C20orf96: variants seen among roughly 807,000 people sequenced by gnomAD.
The protein encoded by C20orf96 is chromosome 20 open reading frame 96.
Under a neutral mutation model 52.6 loss-of-function variants are expected in C20orf96, and 57 were observed. The observed-to-expected ratio is 1.08, with a 90% confidence interval of 0.88 to 1.35. The LOEUF is 1.35. Ranked by LOEUF, C20orf96 falls within the 40% of genes most tolerant of loss-of-function variation. C20orf96 has a pLI of 0.00. For synonymous variants in C20orf96, 168 were observed against 157.2 expected, an observed-to-expected ratio of 1.07 and a Z score of -0.51; for missense variants, 478 against 443.6, an observed-to-expected ratio of 1.08 and a Z score of -0.70.
chr20:271,952 C>T (rs1326865515), intron 10 of C20orf96, among the ~76,000 whole-genome samples: 1 of 152,146 alleles, frequency 6.6e-6, no homozygotes, highest in Non-Finnish European at 1.5e-5. Flanking sequence ...TGAAGGATTA[C>T]ATTCTGTTTC....
In C20orf96 at chr20:271,282, C is replaced by A; in HGVS notation, c.1032-15G>T. 1 of 1,547,456 alleles carries A rather than the reference C, an allele frequency of 6.5e-7. No individual in the cohort carries two copies. Among genetic ancestry groups the A allele is most frequent in the South Asian group, 1.2e-5 (1 of 83,100 alleles). Reference sequence around the variant, plus strand: ...CTGGGGTGCACCTGGTGGGAGGCAGCACAGAAGGCCATGAGAGACCAGAGG... The same window carrying A: ...CTGGGGTGCACCTGGTGGGAGGCAGAACAGAAGGCCATGAGAGACCAGAGG... On this transcript the variant is annotated splice_polypyrimidine_tract_variant and intron_variant, in intron 10 of 10. Coordinates refer to ENST00000360321, the MANE Select transcript of C20orf96 (RefSeq NM_153269.3).
At chr20:286,459 G>C (rs1297510765) in intron 3 of C20orf96, among the ~76,000 whole-genome samples, 1 of 151,760 alleles carries the variant, frequency 6.6e-6, no homozygotes, top group Non-Finnish European at 1.5e-5. Context: ...GGAGGTTACA[G>C]TGAGCTGAGA....
Position 279,094 on chromosome 20 carries a change from C to G in C20orf96, c.465+78G>C, listed in dbSNP as rs1355578971. On this transcript the variant is annotated intron_variant, in intron 5 of 10. Transcript: ENST00000360321. ...AGGGAGGGAGGGACGGAGGGCGGGA[C>G]GGAGGGACGGAGGGAGGGAGGGAGG... 5.1e-4 allele frequency: 289 copies of G among 561,866 alleles called. 7 individuals are homozygous for G. Among genetic ancestry groups the G allele is most frequent in the African/African-American group, 3.8e-3 (28 of 7,326 alleles). 34.8% of individuals were successfully genotyped at this position (561,866 alleles called of 1,614,324 possible). A position where few individuals can be genotyped will look rare whatever the true frequency, so the allele number is the denominator to read the frequency against.
rs2012050440 is a variant in C20orf96, at chr20:277,048, A to G, written c.821T>C (p.Val274Ala). ...KKKKKILSSV[V>A]AETQRPYEEA... is the part of the protein sequence containing the mutation. ...ACACAGCAACTGGCTACTCACCGCC[A>G]CCACAGAACTCAGAATTTTTTTCTT... The change falls in exon 8 of 11, where the codon GTG becomes GCG. Residue 274 changes from valine (V) to alanine (A), a missense_variant. Coordinates refer to ENST00000360321, the MANE Select transcript of C20orf96 (RefSeq NM_153269.3). The G allele has an allele frequency of 1.9e-6, 3 of 1,613,416 alleles. No homozygotes were observed. The South Asian group carries it at 3.3e-5, about 18-fold the overall frequency.
In C20orf96 at chr20:279,322, G is replaced by A; in HGVS notation, c.315C>T (p.Leu105=). The A allele has an allele frequency of 1.9e-6, 3 of 1,604,216 alleles. No individual in the cohort carries two copies. The highest frequency in any genetic ancestry group is 2.5e-6 in the Non-Finnish European group (3 of 1,178,406). ...CTCGCAGAGCGGCCCTCCCGCTCCT[G>A]AGCGAGGTCTGCGGGCGGAGGGAAG... is the stretch of plus-strand genomic sequence containing the variant. ...HAKIWLMKTS[L]RSGRAALREL... The change falls in exon 5 of 11, where the codon CTC becomes CTT. Residue 105 remains leucine, a synonymous_variant. Transcript: ENST00000360321.
intron 3 of C20orf96, among the ~76,000 whole-genome samples, chr20:287,908 C>CAAAAAAAAAAAAA (rs71327437): frequency 1.4e-4 from 9 of 63,084 alleles, no homozygotes; most frequent in East Asian, 6.3e-4. Flanking sequence ...GACTCCTTCT[C>CAAAAAAAAAAAAA]AAAAAAAAAA....
intron 10 of C20orf96, among the ~76,000 whole-genome samples, chr20:273,149 AT>A (rs1333122004): frequency 6.6e-6 from 1 of 152,030 alleles, no homozygotes; most frequent in African/African-American, 2.4e-5. Context: ...TAACTTTTGT[AT>A]TTTTTGTAGA....
At chr20:288,174 C>CTTTTTCTT (rs760222046) in intron 3 of C20orf96, among the ~76,000 whole-genome samples, 2 of 66,040 alleles carry the variant, frequency 3.0e-5, no homozygotes, top group African/African-American at 6.2e-5. Flanking sequence ...TTTTCTTTTT[C>CTTTTTCTT]TTTTTTTTTT....
rs420769 is a variant in C20orf96, at chr20:271,451, C to T, written c.1032-184G>A. 2.1e-3 allele frequency among the ~76,000 whole-genome samples: 155 copies of T among 73,690 alleles called. 1 individual carries two copies. In the East Asian group the frequency reaches 0.04, roughly 19 times the overall value. 48.3% of individuals were successfully genotyped at this position (73,690 alleles called of 152,430 possible). A position where few individuals can be genotyped will look rare whatever the true frequency, so the allele number is the denominator to read the frequency against. On this transcript the variant is annotated intron_variant, in intron 10 of 10. Coordinates refer to ENST00000360321, the MANE Select transcript of C20orf96 (RefSeq NM_153269.3). ...CTGTGCATACACAAGCATACACACA[C>T]ACACACACACACACACACACACACA...
intron 3 of C20orf96, among the ~76,000 whole-genome samples, chr20:286,816 C>T (rs2012399415): frequency 6.6e-6 from 1 of 152,142 alleles, no homozygotes; most frequent in Non-Finnish European, 1.5e-5. Flanking sequence ...TTACCACCCT[C>T]CTCACAACTC....
intron 9 of C20orf96, 197 bp from the exon 10 acceptor site, chr20:276,283 G>A: frequency 3.0e-6 from 3 of 985,426 alleles, no homozygotes; most frequent in Non-Finnish European, 2.4e-6. Flanking sequence ...AATATTCAGT[G>A]GTGCTGAAAC....
chr20:275,298 T>C (rs1358370201), intron 10 of C20orf96, among the ~76,000 whole-genome samples: 1 of 151,770 alleles, frequency 6.6e-6, no homozygotes, highest in Non-Finnish European at 1.5e-5. Flanking sequence ...ACTTCATAAA[T>C]CCAATAGTAT....
intron 10 of C20orf96, 138 bp from the exon 11 acceptor site, chr20:271,405 A>G (rs945241529): frequency 1.6e-6 from 1 of 626,032 alleles, no homozygotes; most frequent in Non-Finnish European, 2.8e-6. Flanking sequence ...TCTGTGATCT[A>G]TCTGTGACCT....
chr20:271,953 A>C (rs1273197963), intron 10 of C20orf96, among the ~76,000 whole-genome samples: 1 of 152,164 alleles, frequency 6.6e-6, no homozygotes, highest in East Asian at 1.9e-4. Context: ...GAAGGATTAC[A>C]TTCTGTTTCA....
intron 6 of C20orf96, among the ~76,000 whole-genome samples, 186 bp downstream of exon 6, chr20:278,144 G>A (rs78944940): frequency 6.6e-6 from 1 of 152,184 alleles, no homozygotes; most frequent in Non-Finnish European, 1.5e-5. Flanking sequence ...CCCAGATACG[G>A]GGCCTGGAAA....
In C20orf96 at chr20:290,613, G is replaced by C. The variant is rs779360463; in HGVS notation, c.-3C>G. The C allele has an allele frequency of 1.2e-6, 2 of 1,602,510 alleles. No homozygotes were observed. The highest frequency in any genetic ancestry group is 1.7e-6 in the Non-Finnish European group (2 of 1,175,794). ...TACTTTTGTAAGACATGCGCCATTGGGGAAAATGGAAGAGAAGTTGCGAGT... is the reference window on the plus strand; with the variant it reads ...TACTTTTGTAAGACATGCGCCATTGCGGAAAATGGAAGAGAAGTTGCGAGT... On this transcript the variant is annotated 5_prime_UTR_variant, in exon 1 of 11. Transcript: ENST00000360321.
chr20:284,397 C>T (rs2012330357), intron 3 of C20orf96, among the ~76,000 whole-genome samples: 2 of 152,228 alleles, frequency 1.3e-5, no homozygotes, highest in Non-Finnish European at 2.9e-5. Flanking sequence ...GGAACTCCCA[C>T]TCCTTGTGTC....
chr20:285,818 C>G (rs1200013739), intron 3 of C20orf96, among the ~76,000 whole-genome samples: 3 of 152,188 alleles, frequency 2.0e-5, no homozygotes, highest in Non-Finnish European at 2.9e-5. Context: ...AGGGGATCCA[C>G]CTGCCTCAGC....
At chr20:290,347 C>T in intron 1 of C20orf96, 40 bp from the exon 2 acceptor site, 1 of 1,608,190 alleles carries the variant, frequency 6.2e-7, no homozygotes, top group Non-Finnish European at 8.5e-7. Flanking sequence ...CCATTATCCC[C>T]AGCCCAAGGG....
Sources: gnomAD v4.1 joint callset for allele counts (sites outside exome capture counted in the v4.1 genomes callset) on GRCh38, gnomAD v4.1.1 for gene constraint, MANE v1.5 for transcripts, NCBI Gene and HGNC (gene_info 2026-07-23, HGNC 2026-07-21) for gene names.